Variants in DARS2 observed in about 807,000 individuals in gnomAD.
DARS2 encodes aspartyl-tRNA synthetase 2, mitochondrial, also known as aspartate--tRNA ligase, mitochondrial.
Under a neutral mutation model 83.0 loss-of-function variants are expected in DARS2, and 63 were observed. That is an observed-to-expected ratio of 0.76 (90% CI 0.62 to 0.94). DARS2 has a LOEUF of 0.94. DARS2 is among the 40% of genes least tolerant of loss of function. DARS2 has a pLI of 0.00. For synonymous variants in DARS2, 250 were observed against 269.3 expected (o/e 0.93, Z 0.70); for missense variants, 675 against 774.4 (o/e 0.87, Z 1.52).
chr1:173,849,967 C>T (rs1225371011), intron 12 of DARS2, among the ~76,000 whole-genome samples: 3 of 148,850 alleles, frequency 2.0e-5, no homozygotes, highest in Admixed American at 6.8e-5. Flanking sequence ...AAATGATTCT[C>T]ATGCCTCAGC....
intron 7 of DARS2, 22 bp downstream of exon 7, chr1:173,834,541 G>T: frequency 6.4e-7 from 1 of 1,568,848 alleles, no homozygotes; most frequent in Non-Finnish European, 8.8e-7. Context: ...CCTTCAATCA[G>T]TCTATTAATA....
In DARS2 at chr1:173,824,697, G is replaced by A. The variant is rs533128814; in HGVS notation, c.-533G>A. ...TGAAGGGCGCTTGGACCCCAGCGGCGATCTGTGTTTGGGTTCGCGCTCTGG... is the reference window on the plus strand; with the variant it reads ...TGAAGGGCGCTTGGACCCCAGCGGCAATCTGTGTTTGGGTTCGCGCTCTGG... On this transcript the variant is annotated 5_prime_UTR_variant, in exon 1 of 17. Coordinates refer to ENST00000649689, the MANE Select transcript of DARS2 (RefSeq NM_018122.5). 1.7e-4 allele frequency: 28 copies of A among 165,198 alleles called. 2 individuals carry two copies. The East Asian group carries it at 4.7e-3, about 28-fold the overall frequency. 10.2% of individuals were successfully genotyped at this position (165,198 alleles called of 1,614,324 possible).
rs1652591497 is a variant in DARS2 at position 173,826,713 on chromosome 1, A to G, written c.154A>G (p.Asn52Asp). The G allele has an allele frequency of 1.9e-6, 3 of 1,611,424 alleles. No homozygotes were observed. The highest frequency in any genetic ancestry group is 2.5e-6 in the Non-Finnish European group (3 of 1,179,290). ...ATTCAGTAGCTTTGTTGTCCGGACC[A>G]ACACATGTGGAGAGTTGCGTTCGTC... ...PEFSSFVVRT[N>D]TCGELRSSHL... Residue 52 changes from asparagine (N) to aspartate (D), a missense_variant, in exon 2 of 17, where the codon AAC becomes GAC. Asn to Asp is a conservative substitution (Grantham distance 23). Transcript: ENST00000649689.
chr1:173,839,593 A>G (rs1653134271), intron 10 of DARS2, 47 bp downstream of exon 10: 3 of 1,570,692 alleles, frequency 1.9e-6, no homozygotes, highest in Admixed American at 1.7e-5. Context: ...ATAATCCTGC[A>G]GTCTTTTTAA....
chr1:173,850,531 T>C (rs1653617722), intron 13 of DARS2, 52 bp downstream of exon 13: 1 of 1,574,146 alleles, frequency 6.4e-7, no homozygotes, highest in Non-Finnish European at 8.7e-7. Flanking sequence ...AACAATGCCT[T>C]ACTCTCCTAT....
intron 12 of DARS2, 138 bp from the exon 13 acceptor site, chr1:173,850,189 T>A: frequency 9.9e-7 from 1 of 1,009,976 alleles, no homozygotes; most frequent in Non-Finnish European, 1.4e-6. Context: ...TTTGAATGGG[T>A]TCATGGAGAT....
intron 5 of DARS2, 133 bp from the exon 6 acceptor site, chr1:173,833,243 G>A: frequency 1.4e-6 from 1 of 701,130 alleles, no homozygotes; most frequent in Non-Finnish European, 2.3e-6. Context: ...GGAATTAACA[G>A]CATACAGTGG....
chr1:173,847,782 G>A (rs567480837), intron 12 of DARS2, among the ~76,000 whole-genome samples: 3 of 150,802 alleles, frequency 2.0e-5, no homozygotes, highest in African/African-American at 7.3e-5. Flanking sequence ...TGAGAGATGA[G>A]GCTCACATAT....
intron 15 of DARS2, among the ~76,000 whole-genome samples, chr1:173,855,519 G>T (rs1653826622): frequency 6.6e-6 from 1 of 152,174 alleles, no homozygotes; most frequent in African/African-American, 2.4e-5. Flanking sequence ...ACCCAGGCTA[G>T]AGTGCAATGG....
At chr1:173,848,735 CAG>C (rs773298553) in intron 12 of DARS2, among the ~76,000 whole-genome samples, 4 of 152,124 alleles carry the variant, frequency 2.6e-5, no homozygotes, top group East Asian at 1.9e-4. Context: ...TCTGAAATTT[CAG>C]AGTTTGTTTG....
In DARS2 at chr1:173,852,474, G is replaced by C. The variant is rs925285733; in HGVS notation, c.1345-875G>C. ...GCCGGATTTCTAACCCATGAAGTTG[G>C]GTTCCAAAATTCACACTCTTATTTT... On this transcript the variant is annotated intron_variant, in intron 13 of 16. Coordinates refer to ENST00000649689, the MANE Select transcript of DARS2 (RefSeq NM_018122.5). 4 of 155,368 alleles carry C rather than the reference G, an allele frequency of 2.6e-5. No individual in the cohort carries two copies. In the Admixed American group the frequency reaches 2.6e-4, roughly 10 times the overall value. 9.6% of individuals were successfully genotyped at this position (155,368 alleles called of 1,614,324 possible).
chr1:173,842,982 C>G (rs1381621710), intron 11 of DARS2, among the ~76,000 whole-genome samples: 1 of 150,938 alleles, frequency 6.6e-6, no homozygotes, highest in Non-Finnish European at 1.5e-5. Flanking sequence ...ATACTCTAGT[C>G]CAGACATAAG....
intron 15 of DARS2, among the ~76,000 whole-genome samples, chr1:173,854,954 G>T (rs1192589786): frequency 6.6e-6 from 1 of 152,144 alleles, no homozygotes; most frequent in Non-Finnish European, 1.5e-5. Context: ...AAAGGAAAAG[G>T]TCTGAGAGAG....
intron 13 of DARS2, among the ~76,000 whole-genome samples, chr1:173,851,228 G>A (rs1275530609): frequency 7.4e-6 from 1 of 135,618 alleles, no homozygotes; most frequent in African/African-American, 3.0e-5. Flanking sequence ...CAGCCTGGCT[G>A]ACAGAGCCAG....
chr1:173,857,771 G>A lies in DARS2; in HGVS notation c.*66G>A, dbSNP rs1653907707. ...TCCTCTTTGCTTCCCCAAGGCTAAAGTCAGATCTAGAGTTCTGCCACAGGT... is the reference window on the plus strand; with the variant it reads ...TCCTCTTTGCTTCCCCAAGGCTAAAATCAGATCTAGAGTTCTGCCACAGGT... On this transcript the variant is annotated 3_prime_UTR_variant, in exon 17 of 17. Transcript: ENST00000649689. The A allele has an allele frequency of 9.6e-6, 15 of 1,560,732 alleles. No homozygotes were observed. The highest frequency in any genetic ancestry group is 1.1e-5 in the Non-Finnish European group (13 of 1,135,382).
chr1:173,850,395 G>A lies in DARS2; in HGVS notation c.1260G>A (p.Glu420=), dbSNP rs1653610403. 6.2e-7 allele frequency: 1 copy of A among 1,613,726 alleles called. No individual in the cohort carries two copies. The highest frequency in any genetic ancestry group is 2.2e-5 in the East Asian group (1 of 44,858). The change falls in exon 13 of 17, where the codon GAG becomes GAA. Residue 420 remains glutamate, a synonymous_variant. Transcript: ENST00000649689. ...WNSPVANFIM[E]SQRLELIRLM... is the part of the protein sequence containing the mutation. The stretch of plus-strand genomic sequence containing the variant: ...CTCCAGTTGCTAATTTCATAATGGA[G>A]TCACAAAGACTGGAATTAATCAGAC...
chr1:173,833,050 C>T (rs963412824), intron 5 of DARS2, among the ~76,000 whole-genome samples: 3 of 152,100 alleles, frequency 2.0e-5, no homozygotes, highest in African/African-American at 7.2e-5. Flanking sequence ...CATAATGGTG[C>T]TGTGTATTTT....
chr1:173,832,421 A>T (rs1652824820), intron 5 of DARS2, among the ~76,000 whole-genome samples: 1 of 152,172 alleles, frequency 6.6e-6, no homozygotes, highest in South Asian at 2.1e-4. Context: ...GAGAAGTTAT[A>T]GACATTTCCT....
At position 173,831,602 on chromosome 1, in the gene DARS2, T is replaced by C; in HGVS notation, c.464T>C (p.Leu155Pro). 1 of 1,614,064 alleles carries C rather than the reference T, an allele frequency of 6.2e-7. No homozygotes were observed. Among genetic ancestry groups the C allele is most frequent in the Non-Finnish European group, 8.5e-7 (1 of 1,179,920 alleles). Residue 155 changes from leucine (L) to proline (P), a missense_variant, in exon 5 of 17, where the codon CTG becomes CCG. Physicochemically the swap from Leu to Pro is moderately conservative, Grantham distance 98. Coordinates refer to ENST00000649689, the MANE Select transcript of DARS2 (RefSeq NM_018122.5). ...GAGCTTCTGAATGCCTGCAAGAAGC[T>C]GCCCTTTGAAATTAAGAACTTCGTG... Reference protein sequence around the residue: ...TAELLNACKKLPFEIKNFVKK... With the variant: ...TAELLNACKKPPFEIKNFVKK...
Sources: allele counts gnomAD v4.1 joint callset (sites outside exome capture counted in the v4.1 genomes callset), GRCh38; gene constraint gnomAD v4.1.1; transcripts MANE v1.5; gene names NCBI Gene and HGNC (gene_info 2026-07-23, HGNC 2026-07-21).